The following MEP1A variants were observed in gnomAD, a reference collection of about 807,000 sequenced individuals.
The protein encoded by MEP1A is N-benzoyl-L-tyrosyl-P-amino-benzoic acid hydrolase subunit alpha.
MEP1A carries 68 observed loss-of-function variants against 84.5 expected under a neutral mutation model. The ratio of observed to expected loss-of-function variants is 0.80; its 90% CI spans 0.66 to 0.98. MEP1A has a LOEUF of 0.98. Ranked by LOEUF, MEP1A falls within the 50% of genes least tolerant of loss-of-function variation. MEP1A has a pLI of 0.00. For missense variants in MEP1A, 887 were observed against 919.9 expected (o/e 0.96, Z 0.46); for synonymous variants, 337 against 336.8 (o/e 1.00, Z -0.01).
chr6:46,822,854 A>G (rs1767814438), intron 7 of MEP1A, among the ~76,000 whole-genome samples: 1 of 152,098 alleles, frequency 6.6e-6, no homozygotes, highest in Non-Finnish European at 1.5e-5. Flanking sequence ...CTCTAATCAG[A>G]TGGTTTTATG....
intron 7 of MEP1A, among the ~76,000 whole-genome samples, chr6:46,824,339 G>A (rs1289332283): frequency 6.7e-6 from 1 of 149,920 alleles, no homozygotes; most frequent in Non-Finnish European, 1.5e-5. Flanking sequence ...CATGTATTTA[G>A]TCATTTCTAA....
intron 13 of MEP1A, among the ~76,000 whole-genome samples, chr6:46,838,625 T>A (rs1768270448): frequency 6.6e-6 from 1 of 152,250 alleles, no homozygotes; most frequent in Non-Finnish European, 1.5e-5. Context: ...TTCCTTTAAG[T>A]GTCTCAGGCC....
chr6:46,797,916 TTCCTTCCTTCCTTCTTTCC>T (rs1562102767), intron 3 of MEP1A, among the ~76,000 whole-genome samples: 594 of 45,006 alleles, frequency 0.013, 3 homozygotes, highest in Non-Finnish European at 0.019. Context: ...CCTTCCTTCC[TTCCTTCCTTCCTTCTTTCC>T]TTCCTTCCTT....
chr6:46,833,163 C>A lies in MEP1A; in HGVS notation c.1234C>A (p.Pro412Thr). The change falls in exon 11 of 14, where the codon CCT (proline) becomes ACT (threonine). Residue 412 changes from proline (P) to threonine (T), a missense_variant. Pro to Thr is a conservative substitution (Grantham distance 38). Transcript: ENST00000230588. Reference protein sequence around the residue: ...RYLFQGTKGDPQNSTGGIYLD... With the variant: ...RYLFQGTKGDTQNSTGGIYLD... Reference sequence around the variant, plus strand: ...CCTTTTCCAGGGCACAAAAGGCGACCCTCAGAACTCAACTGGGGGAATTTA... The same window carrying A: ...CCTTTTCCAGGGCACAAAAGGCGACACTCAGAACTCAACTGGGGGAATTTA... The A allele has an allele frequency of 6.3e-7, 1 of 1,597,992 alleles. No individual in the cohort carries two copies. The highest frequency in any genetic ancestry group is 1.8e-4 in the Middle Eastern group (1 of 5,682).
chr6:46,826,536 T>C, intron 9 of MEP1A, 33 bp downstream of exon 9: 1 of 1,441,268 alleles, frequency 6.9e-7, no homozygotes, highest in African/African-American at 1.4e-5. Context: ...CACATTGATG[T>C]GGTTCACCAG....
At chr6:46,841,249 C>G (rs1768326231), downstream of MEP1A, among the ~76,000 whole-genome samples, 1 of 152,174 alleles carries the variant, frequency 6.6e-6, no homozygotes, top group South Asian at 2.1e-4. Flanking sequence ...ATTTATTTCT[C>G]TCTAGATTCT....
In MEP1A at chr6:46,834,660, C is replaced by G. The variant is rs779520470; in HGVS notation, c.1692C>G (p.Asp564Glu). Residue 564 changes from aspartate to glutamate, a missense_variant, in exon 12 of 14, where the codon GAC becomes GAG. By Grantham distance (45) the Asp-to-Glu change is conservative. Transcript: ENST00000230588. Reference sequence around the variant, plus strand: ...ACTGTAATTGTTTTAGAAGCATCGACTTGGGCTGGAGTGGTTTCATTTCCC... The same window carrying G: ...ACTGTAATTGTTTTAGAAGCATCGAGTTGGGCTGGAGTGGTTTCATTTCCC... The part of the protein sequence containing the change: ...HTDCNCFRSI[D>E]LGWSGFISHQ... The G allele has an allele frequency of 1.9e-6, 3 of 1,611,248 alleles. No individual in the cohort carries two copies. In the African/African-American group the frequency reaches 4.0e-5, roughly 22 times the overall value.
At position 46,825,395 on chromosome 6, in the gene MEP1A, C is replaced by T. The variant is rs1348826133; in HGVS notation, c.680C>T (p.Thr227Ile). 3 of 1,613,604 alleles carry T rather than the reference C, an allele frequency of 1.9e-6. No individual in the cohort carries two copies. The highest frequency in any genetic ancestry group is 2.5e-6 in the Non-Finnish European group (3 of 1,179,742). Residue 227 changes from threonine to isoleucine, a missense_variant, in exon 8 of 14, where the codon ACC (threonine) becomes ATC (isoleucine). Coordinates refer to ENST00000230588, the MANE Select transcript of MEP1A (RefSeq NM_005588.3). ...FSFNKNASVPTITAKIPEFNS... is the reference protein window; with the variant it reads ...FSFNKNASVPIITAKIPEFNS... ...TTTAACAAGAATGCAAGTGTTCCCA[C>T]CATCACAGCCAAGATCCCTGAGTTT...
chr6:46,803,220 G>T lies in MEP1A; in HGVS notation c.262+4039G>T, dbSNP rs543983045. On this transcript the variant is annotated intron_variant, in intron 5 of 13. Coordinates refer to ENST00000230588, the MANE Select transcript of MEP1A (RefSeq NM_005588.3). ...CTTTGTGGGATAGTATTTTTATAAT[G>T]AATTCGATTCATTTAATAATTATAG... 1.3e-3 allele frequency among the ~76,000 whole-genome samples: 203 copies of T among 151,508 alleles called. 1 individual carries two copies. The highest frequency in any genetic ancestry group is 4.8e-3 in the African/African-American group (199 of 41,474).
intron 5 of MEP1A, among the ~76,000 whole-genome samples, chr6:46,808,142 A>C (rs1039856508): frequency 1.3e-5 from 2 of 150,806 alleles, no homozygotes; most frequent in African/African-American, 5.0e-5. Context: ...CAGTATAATC[A>C]CTTTTTTTTT....
intron 3 of MEP1A, 89 bp downstream of exon 3, chr6:46,793,805 T>C (rs1403186004): frequency 3.3e-6 from 3 of 916,684 alleles, no homozygotes; most frequent in African/African-American, 1.7e-5. Flanking sequence ...TAATACTGTA[T>C]TGTGATTCTC....
chr6:46,812,555 C>T (rs1312867386), intron 6 of MEP1A, among the ~76,000 whole-genome samples: 2 of 151,612 alleles, frequency 1.3e-5, no homozygotes, highest in African/African-American at 4.8e-5. Context: ...TGTGGTGTAA[C>T]CTTAGATTGT....
At chr6:46,824,659 A>AAATT (rs1464322437) in intron 7 of MEP1A, among the ~76,000 whole-genome samples, 3 of 129,150 alleles carry the variant, frequency 2.3e-5, no homozygotes, top group African/African-American at 9.5e-5. Context: ...AAATTTATAT[A>AAATT]ATGTATTTAA....
At chr6:46,801,389 T>C (rs1215654054) in intron 5 of MEP1A, among the ~76,000 whole-genome samples, 3 of 152,156 alleles carry the variant, frequency 2.0e-5, no homozygotes, top group Non-Finnish European at 4.4e-5. Context: ...TAGCACATTT[T>C]AGTATGCTAC....
chr6:46,821,840 G>A (rs73736658), intron 7 of MEP1A, among the ~76,000 whole-genome samples: 7,870 of 152,114 alleles, frequency 0.052, 241 homozygotes, highest in African/African-American at 0.091. Context: ...GTACAATTCC[G>A]TATATCTAAA....
At chr6:46,807,512 T>TAAATAAAG (rs1231699927) in intron 5 of MEP1A, among the ~76,000 whole-genome samples, 1 of 49,526 alleles carries the variant, frequency 2.0e-5, no homozygotes, top group African/African-American at 7.3e-5. Flanking sequence ...CCATCTGAAA[T>TAAATAAAG]AAAGAAAGAA....
chr6:46,818,684 TAA>T (rs989710758), intron 6 of MEP1A, among the ~76,000 whole-genome samples: 5 of 152,166 alleles, frequency 3.3e-5, no homozygotes, highest in Admixed American at 3.3e-4. Flanking sequence ...CCTTCAGAAA[TAA>T]GTTAGGCAGC....
intron 7 of MEP1A, among the ~76,000 whole-genome samples, chr6:46,824,578 AT>A (rs1181029527): frequency 2.2e-5 from 3 of 139,382 alleles, no homozygotes; most frequent in Non-Finnish European, 4.5e-5. Context: ...ATGTATTTAA[AT>A]ATATAAATTA....
chr6:46,808,026 T>A (rs927436101), intron 5 of MEP1A, among the ~76,000 whole-genome samples: 2 of 152,004 alleles, frequency 1.3e-5, no homozygotes, highest in African/African-American at 4.8e-5. Flanking sequence ...TATTTAGGTA[T>A]GGAGAAGGAA....
Sources: allele counts gnomAD v4.1 joint callset (sites outside exome capture counted in the v4.1 genomes callset), GRCh38; gene constraint gnomAD v4.1.1; transcripts MANE v1.5; gene names NCBI Gene and HGNC (gene_info 2026-07-23, HGNC 2026-07-21).